The following SLC9A9 variants were observed in gnomAD, a reference collection of about 807,000 sequenced individuals.
SLC9A9 encodes solute carrier family 9 member A9, also known as sodium/hydrogen exchanger 9.
A neutral mutation model predicts 77.8 loss-of-function variants in SLC9A9; 62 were observed. The ratio of observed to expected loss-of-function variants is 0.80; its 90% CI spans 0.65 to 0.98. SLC9A9 has a LOEUF of 0.98. Among genes scored for constraint, SLC9A9 ranks in the 50% least tolerant of loss-of-function variants. The probability of loss-of-function intolerance (pLI) is 0.00; values close to 1 mark genes in which losing one functional copy is unlikely to be tolerated. For missense variants in SLC9A9, 775 were observed against 774.9 expected, an observed-to-expected ratio of 1.00 and a Z score of 0.00; for synonymous variants, 320 against 283.5, an observed-to-expected ratio of 1.13 and a Z score of -1.29.
At chr3:143,760,032 C>T (rs2007062999) in intron 4 of SLC9A9, among the ~76,000 whole-genome samples, 1 of 152,068 alleles carries the variant, frequency 6.6e-6, no homozygotes, top group Non-Finnish European at 1.5e-5. Context: ...AACTTAGAGC[C>T]ATACCTTCAT....
At chr3:143,493,887 T>A in intron 10 of SLC9A9, 123 bp from the exon 11 acceptor site, 1 of 741,846 alleles carries the variant, frequency 1.3e-6, no homozygotes, top group Non-Finnish European at 2.4e-6. Context: ...GAAATAAACA[T>A]GTCAATTCAC....
chr3:143,268,589 T>C (rs1937799239), intron 15 of SLC9A9, among the ~76,000 whole-genome samples: 1 of 150,804 alleles, frequency 6.6e-6, no homozygotes, highest in South Asian at 2.1e-4. Context: ...AAAAATTAGC[T>C]GGGTGTGGTG....
At chr3:143,804,052 G>A (rs529279872) in intron 2 of SLC9A9, among the ~76,000 whole-genome samples, 54 of 152,098 alleles carry the variant, frequency 3.6e-4, no homozygotes, top group African/African-American at 1.2e-3. Context: ...TCCTGTGGCC[G>A]CTCCTTTACG....
chr3:143,813,534 CTCTT>C (rs1224269631), intron 2 of SLC9A9, among the ~76,000 whole-genome samples: 3 of 152,202 alleles, frequency 2.0e-5, no homozygotes, highest in African/African-American at 7.2e-5. Context: ...AATCCCCTCT[CTCTT>C]CCTCCCGCTC....
chr3:143,778,414 T>G (rs1431625068), intron 4 of SLC9A9, among the ~76,000 whole-genome samples: 1 of 152,238 alleles, frequency 6.6e-6, no homozygotes, highest in Admixed American at 6.5e-5. Context: ...CATTTAGTTT[T>G]TGGAATTTTA....
intron 5 of SLC9A9, among the ~76,000 whole-genome samples, chr3:143,656,437 A>AT (rs1576638113): frequency 6.6e-6 from 1 of 151,926 alleles, no homozygotes; most frequent in African/African-American, 2.4e-5. Context: ...ATGTTTGACA[A>AT]TTTTTTTTAA....
chr3:143,715,954 G>A (rs1337678573), intron 4 of SLC9A9, among the ~76,000 whole-genome samples: 1 of 152,200 alleles, frequency 6.6e-6, no homozygotes, highest in African/African-American at 2.4e-5. Context: ...ACCCAAAAGA[G>A]TAAATTGTTT....
chr3:143,461,072 G>T (rs1354382095), intron 12 of SLC9A9, among the ~76,000 whole-genome samples: 1 of 152,100 alleles, frequency 6.6e-6, no homozygotes, highest in Non-Finnish European at 1.5e-5. Context: ...CAAATTTGCA[G>T]AAAATCACTA....
intron 1 of SLC9A9, among the ~76,000 whole-genome samples, chr3:143,840,304 C>T (rs78206048): frequency 0.018 from 2,679 of 151,468 alleles, 73 homozygotes; most frequent in African/African-American, 0.056. Flanking sequence ...ATCTTGGGCT[C>T]ATGCACACAG....
intron 2 of SLC9A9, among the ~76,000 whole-genome samples, chr3:143,809,695 CCTTTCATTAGT>C (rs1391575984): frequency 1.3e-5 from 2 of 152,212 alleles, no homozygotes; most frequent in Non-Finnish European, 2.9e-5. Flanking sequence ...CCCGCTTAAG[CCTTTCATTAGT>C]CTTTTAAGAT....
chr3:143,697,922 C>A (rs1933688535), intron 4 of SLC9A9, among the ~76,000 whole-genome samples: 1 of 152,086 alleles, frequency 6.6e-6, no homozygotes, highest in Admixed American at 6.6e-5. Context: ...TTATAATAAG[C>A]CAACAATTAC....
At chr3:143,701,218 A>T (rs1933792153) in intron 4 of SLC9A9, among the ~76,000 whole-genome samples, 1 of 152,200 alleles carries the variant, frequency 6.6e-6, no homozygotes, top group Non-Finnish European at 1.5e-5. Context: ...AGACTACAAT[A>T]AATAGCCAAC....
intron 5 of SLC9A9, among the ~76,000 whole-genome samples, chr3:143,660,407 A>T (rs993203371): frequency 2.0e-5 from 3 of 152,206 alleles, no homozygotes; most frequent in African/African-American, 7.2e-5. Context: ...CTCAACTTTC[A>T]GCCCCAAGGA....
intron 5 of SLC9A9, chr3:143,655,564 C>T (rs971169342): frequency 3.9e-5 from 38 of 985,224 alleles, no homozygotes; most frequent in Non-Finnish European, 4.5e-5. Context: ...TTCTCCTCTA[C>T]ATACCCTCTT....
chr3:143,427,673 A>G (rs760853338), intron 12 of SLC9A9, among the ~76,000 whole-genome samples: 12 of 152,248 alleles, frequency 7.9e-5, no homozygotes, highest in Non-Finnish European at 1.6e-4. Flanking sequence ...TTAAAGGGCC[A>G]CAAGGCAATG....
intron 9 of SLC9A9, among the ~76,000 whole-genome samples, chr3:143,518,693 C>T (rs2036244734): frequency 6.6e-6 from 1 of 152,172 alleles, no homozygotes; most frequent in Non-Finnish European, 1.5e-5. Context: ...GAAATTCACC[C>T]ACATGGCTTG....
chr3:143,464,387 T>C (rs1381825412), intron 12 of SLC9A9, among the ~76,000 whole-genome samples: 1 of 152,236 alleles, frequency 6.6e-6, no homozygotes. Context: ...GAGCATATGA[T>C]GGTATCACTG....
intron 8 of SLC9A9, 111 bp from the exon 9 acceptor site, chr3:143,552,561 G>T: frequency 1.2e-6 from 1 of 836,996 alleles, no homozygotes; most frequent in Non-Finnish European, 2.0e-6. Flanking sequence ...AGTTAAAACT[G>T]CTAGTAGTTA....
intron 11 of SLC9A9, among the ~76,000 whole-genome samples, chr3:143,474,790 A>G (rs932602001): frequency 1.3e-5 from 2 of 149,472 alleles, no homozygotes; most frequent in African/African-American, 4.8e-5. Flanking sequence ...AAAATGTAGG[A>G]AGATGAAGTT....
Sources: allele counts gnomAD v4.1 joint callset (sites outside exome capture counted in the v4.1 genomes callset), GRCh38; gene constraint gnomAD v4.1.1; transcripts MANE v1.5; gene names NCBI Gene and HGNC (gene_info 2026-07-23, HGNC 2026-07-21).